Variants in MTREX observed in about 807,000 individuals in gnomAD.
MTREX encodes the protein exosome RNA helicase MTR4.
In MTREX, 76 loss-of-function variants were observed where a neutral mutation model predicts 135.4. The ratio of observed to expected loss-of-function variants is 0.56; its 90% CI spans 0.47 to 0.68. The LOEUF (loss-of-function observed/expected upper bound fraction) is 0.68, where lower values mean the gene tolerates loss of function less well. Among genes scored for constraint, MTREX ranks in the 30% least tolerant of loss-of-function variants. The probability of loss-of-function intolerance (pLI) is 0.00; values close to 1 mark genes in which losing one functional copy is unlikely to be tolerated. For missense variants in MTREX, 920 were observed against 1,262.1 expected, an observed-to-expected ratio of 0.73 and a Z score of 4.11; for synonymous variants, 404 against 401.6, an observed-to-expected ratio of 1.01 and a Z score of -0.07.
intron 19 of MTREX, among the ~76,000 whole-genome samples, chr5:55,389,264 G>A (rs1750527007): frequency 1.3e-5 from 2 of 152,140 alleles, no homozygotes; most frequent in South Asian, 4.1e-4. Flanking sequence ...GGGCCTTTAG[G>A]AGTTGTTGCA....
intron 15 of MTREX, among the ~76,000 whole-genome samples, chr5:55,359,070 A>G (rs553592778): frequency 1.3e-5 from 2 of 152,332 alleles, no homozygotes; most frequent in South Asian, 2.1e-4. Flanking sequence ...TGGGCAGGCA[A>G]TGAGCTTCCT....
chr5:55,392,711 T>G (rs1365999862), intron 19 of MTREX, among the ~76,000 whole-genome samples: 1 of 152,098 alleles, frequency 6.6e-6, no homozygotes, highest in Non-Finnish European at 1.5e-5. Flanking sequence ...TCTTTTCAGG[T>G]CTTTCTTGAC....
chr5:55,325,265 A>G (rs1300907488), intron 3 of MTREX, among the ~76,000 whole-genome samples: 1 of 150,296 alleles, frequency 6.7e-6, no homozygotes, highest in East Asian at 1.9e-4. Flanking sequence ...AGGAGGTGGT[A>G]CATATGCAAG....
At chr5:55,380,561 CTGATA>C (rs1750380101) in intron 18 of MTREX, among the ~76,000 whole-genome samples, 1 of 152,034 alleles carries the variant, frequency 6.6e-6, no homozygotes, top group Admixed American at 6.6e-5. Flanking sequence ...ATTTTGTATT[CTGATA>C]TGATATATTA....
chr5:55,411,009 G>A lies in MTREX; in HGVS notation c.2751+380G>A, dbSNP rs1322494863. Among the ~76,000 whole-genome samples, 6 of 152,150 alleles carry A rather than the reference G, an allele frequency of 3.9e-5. No homozygotes were observed. The East Asian group carries it at 9.6e-4, about 24-fold the overall frequency. The stretch of plus-strand genomic sequence containing the variant: ...TGAGGTTGAATTAACTCTCCTCCCC[G>A]GTGTTGAAGAATAATGACGAAGCAG... On this transcript the variant is annotated intron_variant, in intron 23 of 26. Transcript: ENST00000230640.
At chr5:55,332,780 G>A (rs1420981385) in intron 5 of MTREX, among the ~76,000 whole-genome samples, 1 of 152,108 alleles carries the variant, frequency 6.6e-6, no homozygotes, top group African/African-American at 2.4e-5. Context: ...CATTACTTTG[G>A]CAATTAAATT....
intron 4 of MTREX, 60 bp downstream of exon 4, chr5:55,327,838 T>C: frequency 8.0e-7 from 1 of 1,253,446 alleles, no homozygotes; most frequent in Non-Finnish European, 1.1e-6. Context: ...TTCTTAAAAT[T>C]CTTATTTCAA....
chr5:55,315,212 A>C (rs1413187641), intron 1 of MTREX, among the ~76,000 whole-genome samples: 1 of 152,208 alleles, frequency 6.6e-6, no homozygotes, highest in Non-Finnish European at 1.5e-5. Context: ...ATTTCTTTTC[A>C]TCTTTAAAAA....
At chr5:55,324,274 C>T (rs576796304) in intron 3 of MTREX, 76 bp downstream of exon 3, 1 of 1,024,050 alleles carries the variant, frequency 9.8e-7, no homozygotes, top group Non-Finnish European at 1.5e-6. Flanking sequence ...TGATGATCAG[C>T]AAACAGTTTA....
intron 26 of MTREX, 126 bp from the exon 27 acceptor site, chr5:55,424,592 GTT>G (rs1751118426): frequency 4.7e-6 from 3 of 640,432 alleles, no homozygotes; most frequent in South Asian, 3.8e-5. Flanking sequence ...TCAGCAAGGT[GTT>G]TGACTTTCTA....
At chr5:55,405,703 C>T (rs879645789) in intron 22 of MTREX, 115 bp downstream of exon 22, 64 of 790,366 alleles carry the variant, frequency 8.1e-5, no homozygotes, top group Non-Finnish European at 1.1e-4. Flanking sequence ...AGTGCACTGG[C>T]GCAATCTCAG....
At chr5:55,322,188 C>A (rs2112031287) in intron 1 of MTREX, 139 bp from the exon 2 acceptor site, 1 of 586,814 alleles carries the variant, frequency 1.7e-6, no homozygotes, top group East Asian at 3.1e-5. Context: ...GTATTCCGGG[C>A]TTCAGCCAGT....
rs1054470067 is a variant in MTREX at position 55,389,826 on chromosome 5, A to G, written c.2181+1724A>G. 3.4e-5 allele frequency among the ~76,000 whole-genome samples: 5 copies of G among 147,900 alleles called. No individual in the cohort carries two copies. The Middle Eastern group carries it at 0.011, about 312-fold the overall frequency. On this transcript the variant is annotated intron_variant, in intron 19 of 26. Coordinates refer to ENST00000230640, the MANE Select transcript of MTREX (RefSeq NM_015360.5). The stretch of plus-strand genomic sequence containing the variant: ...TATAGGTTAAGAAACCATATTATAT[A>G]TATTTACATATAATTATATATGTTT...
intron 19 of MTREX, among the ~76,000 whole-genome samples, chr5:55,394,710 A>T (rs1349116109): frequency 1.3e-5 from 2 of 152,068 alleles, no homozygotes; most frequent in African/African-American, 4.8e-5. Context: ...GGGACCCCTG[A>T]ATTAGCCAGT....
At position 55,312,977 on chromosome 5, in the gene MTREX, A is replaced by G. The variant is rs113879762; in HGVS notation, c.134+4830A>G. Among the ~76,000 whole-genome samples, 771 of 152,280 alleles carry G rather than the reference A, an allele frequency of 5.1e-3. 3 individuals carry two copies. Among genetic ancestry groups the G allele is most frequent in the African/African-American group, 0.018 (743 of 41,556 alleles). ...TTTTGTGCTTAGGGTGCACAATGCTACTGGATTTCATTGCTTTTAGGTTTT... is the reference window on the plus strand; with the variant it reads ...TTTTGTGCTTAGGGTGCACAATGCTGCTGGATTTCATTGCTTTTAGGTTTT... On this transcript the variant is annotated intron_variant, in intron 1 of 26. Transcript: ENST00000230640.
chr5:55,379,086 A>T (rs745849980), intron 17 of MTREX, 41 bp from the exon 18 acceptor site: 3 of 1,402,984 alleles, frequency 2.1e-6, no homozygotes, highest in Non-Finnish European at 3.0e-6. Context: ...CCTTGTAGAT[A>T]TACATTTGAT....
At chr5:55,407,696 G>C (rs1750828279) in intron 22 of MTREX, among the ~76,000 whole-genome samples, 1 of 152,022 alleles carries the variant, frequency 6.6e-6, no homozygotes. Context: ...TTGCCCTCCT[G>C]ATTATTCGTT....
Position 55,424,645 on chromosome 5 carries a change from C to A in MTREX, c.3077-75C>A. 8 of 1,055,806 alleles carry A rather than the reference C, an allele frequency of 7.6e-6. No individual in the cohort carries two copies. In the South Asian group the frequency reaches 9.0e-5, roughly 12 times the overall value. 65.4% of individuals were successfully genotyped at this position (1,055,806 alleles called of 1,614,324 possible). On this transcript the variant is annotated intron_variant, in intron 26 of 26. Transcript: ENST00000230640. ...AGTTGAATCAGGGTTGGTATACTGG[C>A]TTTAAAATTTCGGTAGAGGCAAGTT... is the stretch of plus-strand genomic sequence containing the variant.
In MTREX at chr5:55,308,034, T is replaced by G. The variant is rs773638623; in HGVS notation, c.21T>G (p.Asp7Glu). 1.2e-6 allele frequency: 2 copies of G among 1,614,024 alleles called. No individual in the cohort carries two copies. Among genetic ancestry groups the G allele is most frequent in the African/African-American group, 1.3e-5 (1 of 74,990 alleles). The change falls in exon 1 of 27, where the codon GAT (aspartate) becomes GAG (glutamate). Residue 7 changes from aspartate (D) to glutamate (E), a missense_variant. By Grantham distance (45) the Asp-to-Glu change is conservative. Coordinates refer to ENST00000230640, the MANE Select transcript of MTREX (RefSeq NM_015360.5). Reference sequence around the variant, plus strand: ...CAAAAATGGCGGACGCATTCGGAGATGAGCTGTTCAGCGTGTTCGAGGGCG... The same window carrying G: ...CAAAAATGGCGGACGCATTCGGAGAGGAGCTGTTCAGCGTGTTCGAGGGCG... MADAFG[D>E]ELFSVFEGDS...
Sources: allele counts gnomAD v4.1 joint callset (sites outside exome capture counted in the v4.1 genomes callset), GRCh38; gene constraint gnomAD v4.1.1; transcripts MANE v1.5; gene names NCBI Gene and HGNC (gene_info 2026-07-23, HGNC 2026-07-21).